The following ZNF652 variants were observed in gnomAD, a reference collection of about 807,000 sequenced individuals.
ZNF652 encodes the protein zinc finger protein 652.
Under a neutral mutation model 45.2 loss-of-function variants are expected in ZNF652, and 16 were observed. The observed-to-expected ratio is 0.35, with a 90% CI of 0.24 to 0.54. The LOEUF is 0.54. ZNF652 is among the 20% of genes least tolerant of loss of function. The pLI is 0.91. For synonymous variants in ZNF652, 250 were observed against 260.6 expected (o/e 0.96, Z 0.39); for missense variants, 614 against 765.6 (o/e 0.80, Z 2.34).
Position 49,297,898 on chromosome 17 carries a change from TTC to T in ZNF652, c.*513_*514del, listed in dbSNP as rs1245001678. The T allele has an allele frequency of 2.6e-5, 4 of 154,460 alleles. No homozygotes were observed. The East Asian group carries it at 7.7e-4, about 30-fold the overall frequency. The allele number at this position is 154,460 out of a possible 1,614,324, so 9.6% of individuals were successfully genotyped here. On this transcript the variant is annotated 3_prime_UTR_variant, in exon 6 of 6. Transcript: ENST00000430262. Reference sequence around the variant, plus strand: ...AGGAGAGCTACACAAAGAAGAAAATTTCTGTCTTTCTCTATAATGCTTGATAT... The same window carrying T: ...AGGAGAGCTACACAAAGAAGAAAATTTGTCTTTCTCTATAATGCTTGATAT...
At chr17:49,348,784 A>G (rs2143080404) in intron 1 of ZNF652, among the ~76,000 whole-genome samples, 1 of 152,236 alleles carries the variant, frequency 6.6e-6, no homozygotes, top group East Asian at 1.9e-4. Flanking sequence ...GAGTGTAGCA[A>G]TCCTCCTGCC....
intron 1 of ZNF652, among the ~76,000 whole-genome samples, chr17:49,331,224 C>G (rs1415844275): frequency 6.6e-6 from 1 of 151,008 alleles, no homozygotes; most frequent in Non-Finnish European, 1.5e-5. Flanking sequence ...CAGGTTCACG[C>G]CATTCTCCTG....
intron 1 of ZNF652, among the ~76,000 whole-genome samples, chr17:49,336,173 C>T (rs1177171304): frequency 1.3e-5 from 2 of 151,744 alleles, no homozygotes; most frequent in Non-Finnish European, 2.9e-5. Context: ...TACAGGCACG[C>T]GCCACCATGC....
chr17:49,310,613 T>C (rs903728817), intron 5 of ZNF652, among the ~76,000 whole-genome samples: 1 of 151,958 alleles, frequency 6.6e-6, no homozygotes, highest in African/African-American at 2.4e-5. Context: ...TAAAGAACAA[T>C]GAGAGGGGCT....
At chr17:49,303,103 G>C (rs1348738935) in intron 5 of ZNF652, among the ~76,000 whole-genome samples, 5 of 152,178 alleles carry the variant, frequency 3.3e-5, no homozygotes, top group African/African-American at 1.2e-4. Flanking sequence ...AGGCAGGGCA[G>C]ATTGCTTGAG....
intron 1 of ZNF652, among the ~76,000 whole-genome samples, chr17:49,321,422 CTTTTTTTT>C (rs11350404): frequency 5.5e-5 from 4 of 73,230 alleles, no homozygotes; most frequent in Non-Finnish European, 7.0e-5. Context: ...CACCACCACG[CTTTTTTTT>C]TTTTTTTTTT....
At chr17:49,351,026 C>CTGT (rs1567700354) in intron 1 of ZNF652, among the ~76,000 whole-genome samples, 1,131 of 88,672 alleles carry the variant, frequency 0.013, 21 homozygotes, top group Non-Finnish European at 0.017. Flanking sequence ...CACACACACA[C>CTGT]ACACACACAC....
At chr17:49,312,663 A>G in intron 3 of ZNF652, 35 bp downstream of exon 3, 1 of 1,601,088 alleles carries the variant, frequency 6.2e-7, no homozygotes, top group Non-Finnish European at 8.5e-7. Context: ...AACAAGGGAA[A>G]ATTATAGGTA....
At chr17:49,355,088 T>C (rs1234568829) in intron 1 of ZNF652, among the ~76,000 whole-genome samples, 1 of 152,216 alleles carries the variant, frequency 6.6e-6, no homozygotes, top group Admixed American at 6.5e-5. Context: ...AACCAATTGA[T>C]TGACAGGTCT....
chr17:49,343,603 C>T (rs1162356963), intron 1 of ZNF652, among the ~76,000 whole-genome samples: 6 of 151,368 alleles, frequency 4.0e-5, no homozygotes, highest in Non-Finnish European at 8.8e-5. Flanking sequence ...TGTCATCAGT[C>T]GAAAACCTTA....
intron 1 of ZNF652, among the ~76,000 whole-genome samples, chr17:49,350,974 T>TAC (rs1186420137): frequency 0.24 from 5,203 of 21,974 alleles, 218 homozygotes; most frequent in East Asian, 0.33. Context: ...TGTCTACATA[T>TAC]ATATATATAT....
intron 5 of ZNF652, among the ~76,000 whole-genome samples, chr17:49,304,055 ATTTT>A (rs58790188): frequency 1.7e-5 from 2 of 117,422 alleles, no homozygotes; most frequent in African/African-American, 6.4e-5. Context: ...TGCCTGGCTA[ATTTT>A]TTTTTTTTTT....
At chr17:49,360,541 ATAAACAAC>A (rs2070381828) in intron 1 of ZNF652, among the ~76,000 whole-genome samples, 1 of 152,162 alleles carries the variant, frequency 6.6e-6, no homozygotes, top group Non-Finnish European at 1.5e-5. Context: ...CGGTCCTGAT[ATAAACAAC>A]CAAGCTGCCT....
chr17:49,291,850 C>T lies in ZNF652; in HGVS notation c.*6563G>A, dbSNP rs549085618. ...AGAAACCCGTTACTGATTTCTGTAACATAAAAATCTACCTTTTTCATTTTG... is the reference window on the plus strand; with the variant it reads ...AGAAACCCGTTACTGATTTCTGTAATATAAAAATCTACCTTTTTCATTTTG... On this transcript the variant is annotated 3_prime_UTR_variant, in exon 6 of 6. Transcript: ENST00000430262. 3.9e-5 allele frequency among the ~76,000 whole-genome samples: 6 copies of T among 152,296 alleles called. No individual in the cohort carries two copies. The highest frequency in any genetic ancestry group is 7.4e-5 in the Non-Finnish European group (5 of 68,002).
intron 1 of ZNF652, among the ~76,000 whole-genome samples, chr17:49,336,601 T>C (rs1395545703): frequency 1.3e-5 from 2 of 151,884 alleles, no homozygotes; most frequent in African/African-American, 4.8e-5. Flanking sequence ...AGTGCTGGGA[T>C]TACGTGAGCC....
At chr17:49,356,429 C>CAAAAAAAAAAAAAAAAAAAA (rs35374808) in intron 1 of ZNF652, among the ~76,000 whole-genome samples, 1 of 42,338 alleles carries the variant, frequency 2.4e-5, no homozygotes, top group East Asian at 9.1e-4. Context: ...ACTCTGTCTG[C>CAAAAAAAAAAAAAAAAAAAA]AAAAAAAAAA....
chr17:49,327,779 ATTTTTTT>A (rs375857868), intron 1 of ZNF652, among the ~76,000 whole-genome samples: 7 of 4,088 alleles, frequency 1.7e-3, no homozygotes, highest in African/African-American at 4.5e-3. Flanking sequence ...ATATATATAT[ATTTTTTT>A]TTTTTTTTTT....
chr17:49,332,308 T>C (rs2070033616), intron 1 of ZNF652, among the ~76,000 whole-genome samples: 1 of 152,176 alleles, frequency 6.6e-6, no homozygotes, highest in Non-Finnish European at 1.5e-5. Context: ...TGAACTAGTC[T>C]TAAACCAAGA....
chr17:49,344,815 T>A (rs1041440784), intron 1 of ZNF652, among the ~76,000 whole-genome samples: 2 of 151,986 alleles, frequency 1.3e-5, no homozygotes, highest in Non-Finnish European at 2.9e-5. Flanking sequence ...GCCACCACGC[T>A]GGCCCATCAA....
Sources: gnomAD v4.1 joint callset for allele counts (sites outside exome capture counted in the v4.1 genomes callset) on GRCh38, gnomAD v4.1.1 for gene constraint, MANE v1.5 for transcripts, NCBI Gene and HGNC (gene_info 2026-07-23, HGNC 2026-07-21) for gene names.